RYR2: variants seen among roughly 807,000 people sequenced by gnomAD.
The protein encoded by RYR2 is cardiac muscle ryanodine receptor-calcium release channel.
A neutral mutation model predicts 601.1 loss-of-function variants in RYR2; 227 were observed. The ratio of observed to expected loss-of-function variants is 0.38; its 90% confidence interval spans 0.34 to 0.42. The LOEUF is 0.42. Among genes scored for constraint, RYR2 ranks in the 10% least tolerant of loss-of-function variants. RYR2 has a pLI of 1.00. For missense variants in RYR2, 4,646 were observed against 6,156.5 expected (o/e 0.75, Z 8.21); for synonymous variants, 2,223 against 2,175.1 (o/e 1.02, Z -0.61).
Position 237,395,823 on chromosome 1 carries a change from G to A in RYR2, c.773+7640G>A, listed in dbSNP as rs564095089. ...GATGTCCCAAAGTGCTGGGATTACAGGCATGAGCCACCACGCCCAGCCAGG... is the reference window on the plus strand; with the variant it reads ...GATGTCCCAAAGTGCTGGGATTACAAGCATGAGCCACCACGCCCAGCCAGG... On this transcript the variant is annotated intron_variant, in intron 10 of 104. Coordinates refer to ENST00000366574, the MANE Select transcript of RYR2 (RefSeq NM_001035.3). Among the ~76,000 whole-genome samples the A allele has an allele frequency of 2.0e-5, 3 of 152,198 alleles. No homozygotes were observed. In the East Asian group the frequency reaches 5.8e-4, roughly 29 times the overall value.
chr1:237,227,421 G>C (rs540863606), intron 1 of RYR2, among the ~76,000 whole-genome samples: 1 of 152,250 alleles, frequency 6.6e-6, no homozygotes, highest in South Asian at 2.1e-4. Flanking sequence ...GCTGTGTTTT[G>C]ATAAAAATTT....
intron 25 of RYR2, among the ~76,000 whole-genome samples, chr1:237,531,808 ATGACAC>A (rs1441199640): frequency 6.6e-6 from 1 of 152,202 alleles, no homozygotes; most frequent in Non-Finnish European, 1.5e-5. Context: ...ACATTTCAAA[ATGACAC>A]TTTTTCATCA....
intron 1 of RYR2, among the ~76,000 whole-genome samples, chr1:237,097,320 G>C (rs556050355): frequency 2.6e-5 from 4 of 152,258 alleles, no homozygotes; most frequent in African/African-American, 9.6e-5. Flanking sequence ...AAGAAACTGA[G>C]CTATATGAGT....
chr1:237,095,697 CCA>C (rs1481953840), intron 1 of RYR2, among the ~76,000 whole-genome samples: 8 of 152,154 alleles, frequency 5.3e-5, no homozygotes, highest in Non-Finnish European at 8.8e-5. Context: ...CCATCCATTT[CCA>C]CAGAGTGGTC....
intron 25 of RYR2, among the ~76,000 whole-genome samples, chr1:237,543,465 G>A (rs1254653725): frequency 6.6e-6 from 1 of 152,064 alleles, no homozygotes; most frequent in Non-Finnish European, 1.5e-5. Context: ...CCTAGTATTC[G>A]TTTCTAGTAG....
chr1:237,614,073 G>A lies in RYR2; in HGVS notation c.4945G>A (p.Glu1649Lys). 1 of 1,613,860 alleles carries A rather than the reference G, an allele frequency of 6.2e-7. No homozygotes were observed. The highest frequency in any genetic ancestry group is 8.5e-7 in the Non-Finnish European group (1 of 1,179,798). ...VDILELTEQEELLKFHYHTLR... is the reference protein window; with the variant it reads ...VDILELTEQEKLLKFHYHTLR... Reference sequence around the variant, plus strand: ...CATCTTAGAGTTGACAGAGCAGGAGGAATTGCTGAAATTTCACTATCACAC... The same window carrying A: ...CATCTTAGAGTTGACAGAGCAGGAGAAATTGCTGAAATTTCACTATCACAC... The change falls in exon 37 of 105, where the codon GAA becomes AAA. Residue 1649 changes from glutamate to lysine, a missense_variant. Transcript: ENST00000366574. The surrounding 1 kb of genome is among the most constrained non-coding windows in gnomAD (Gnocchi z 4.3).
At chr1:237,087,074 G>C (rs1191051623) in intron 1 of RYR2, among the ~76,000 whole-genome samples, 2 of 152,188 alleles carry the variant, frequency 1.3e-5, no homozygotes, top group African/African-American at 4.8e-5. Flanking sequence ...GCACGCGCAA[G>C]TGAAAGGCAG....
chr1:237,798,094 A>T lies in RYR2; in HGVS notation c.14014A>T (p.Met4672Leu), dbSNP rs1423265074. Residue 4672 changes from methionine to leucine, a missense_variant, in exon 97 of 105, where the codon ATG becomes TTG. Coordinates refer to ENST00000366574, the MANE Select transcript of RYR2 (RefSeq NM_001035.3). ...AGACAGAATCAGTGAATTACTTGGC[A>T]TGGACAAGGCAGCTCTGGACTTCAG... ...GRDRISELLG[M>L]DKAALDFSDA... The T allele has an allele frequency of 6.2e-7, 1 of 1,611,984 alleles. No individual in the cohort carries two copies. Among genetic ancestry groups the T allele is most frequent in the Non-Finnish European group, 8.5e-7 (1 of 1,178,866 alleles).
At chr1:237,296,489 A>T (rs375195426) in intron 2 of RYR2, among the ~76,000 whole-genome samples, 1 of 152,316 alleles carries the variant, frequency 6.6e-6, no homozygotes, top group East Asian at 1.9e-4. Context: ...GAGGAATTAA[A>T]GAGTTTTGGA....
intron 16 of RYR2, among the ~76,000 whole-genome samples, chr1:237,467,881 C>T (rs1301766390): frequency 4.9e-5 from 6 of 121,648 alleles, no homozygotes; most frequent in South Asian, 5.0e-4. Context: ...TTTTTTGAAA[C>T]GGAGTCTCAC....
chr1:237,730,537 AT>A (rs1248638851), intron 77 of RYR2, among the ~76,000 whole-genome samples, 181 bp downstream of exon 77: 1 of 152,144 alleles, frequency 6.6e-6, no homozygotes, highest in Non-Finnish European at 1.5e-5. Flanking sequence ...TGCTCTTGTC[AT>A]TTCCAAGAGA....
At chr1:237,488,046 C>T (rs187545691) in intron 17 of RYR2, among the ~76,000 whole-genome samples, 1 of 152,194 alleles carries the variant, frequency 6.6e-6, no homozygotes, top group Admixed American at 6.5e-5. Context: ...CACTTTGTGA[C>T]ATACGCTATT....
chr1:237,780,357 C>A (rs1694995352), intron 88 of RYR2, among the ~76,000 whole-genome samples: 1 of 152,144 alleles, frequency 6.6e-6, no homozygotes, highest in South Asian at 2.1e-4. Flanking sequence ...CAAGAGAGTT[C>A]TCATCCTGAT....
chr1:237,546,997 T>TGTATA (rs58050661), intron 25 of RYR2, among the ~76,000 whole-genome samples: 2 of 83,340 alleles, frequency 2.4e-5, no homozygotes, highest in African/African-American at 3.5e-5. Flanking sequence ...ATATATATAT[T>TGTATA]TATTTATTTA....
At chr1:237,348,379 A>G (rs1246263493) in intron 3 of RYR2, among the ~76,000 whole-genome samples, 1 of 152,184 alleles carries the variant, frequency 6.6e-6, no homozygotes, top group African/African-American at 2.4e-5. Context: ...CTATGAAACA[A>G]TACTAATAAT....
At chr1:237,326,644 A>G (rs1329389464) in intron 2 of RYR2, among the ~76,000 whole-genome samples, 1 of 152,238 alleles carries the variant, frequency 6.6e-6, no homozygotes, top group Admixed American at 6.5e-5. Flanking sequence ...TTGGGAGCAC[A>G]CTCATAGTAA....
At chr1:237,309,896 C>T (rs1232411639) in intron 2 of RYR2, among the ~76,000 whole-genome samples, 1 of 152,118 alleles carries the variant, frequency 6.6e-6, no homozygotes, top group Non-Finnish European at 1.5e-5. Context: ...TGCCCGGGGC[C>T]GGCAGTGCCA....
At chr1:237,380,588 C>T (rs1701423689) in intron 8 of RYR2, among the ~76,000 whole-genome samples, 1 of 150,646 alleles carries the variant, frequency 6.6e-6, no homozygotes, top group Non-Finnish European at 1.5e-5. Flanking sequence ...GTGAATGGCA[C>T]ATAAAAATTA....
chr1:237,524,708 G>GTA (rs1667400752), intron 24 of RYR2, among the ~76,000 whole-genome samples: 2 of 150,416 alleles, frequency 1.3e-5, no homozygotes, highest in South Asian at 4.2e-4. Context: ...GTGTGTGTGT[G>GTA]TATATATACA....
Sources: gnomAD v4.1 joint callset for allele counts (sites outside exome capture counted in the v4.1 genomes callset) on GRCh38, gnomAD v4.1.1 for gene constraint, Gnocchi (gnomAD v3.1) non-coding constraint, MANE v1.5 for transcripts, NCBI Gene and HGNC (gene_info 2026-07-23, HGNC 2026-07-21) for gene names.